MICU1: variants seen among roughly 807,000 people sequenced by gnomAD.
The protein encoded by MICU1 is mitochondrial calcium uptake 1, also known as calcium uptake protein 1, mitochondrial.
A neutral mutation model predicts 56.8 loss-of-function variants in MICU1; 45 were observed. That is an observed-to-expected ratio of 0.79 (90% CI 0.62 to 1.02). The LOEUF (loss-of-function observed/expected upper bound fraction) is 1.02, where lower values mean the gene tolerates loss of function less well. Ranked by LOEUF, MICU1 falls within the 50% of genes least tolerant of loss-of-function variation. The pLI, the probability that MICU1 is intolerant of heterozygous loss-of-function variation, is 0.00. For synonymous variants in MICU1, 186 were observed against 195.1 expected, an observed-to-expected ratio of 0.95 and a Z score of 0.39; for missense variants, 504 against 587.1, an observed-to-expected ratio of 0.86 and a Z score of 1.46.
chr10:72,437,930 C>T (rs1326942777), intron 8 of MICU1, among the ~76,000 whole-genome samples: 1 of 152,176 alleles, frequency 6.6e-6, no homozygotes, highest in Non-Finnish European at 1.5e-5. Flanking sequence ...GAGACCTGGA[C>T]TCCCACACAA....
chr10:72,454,066 C>T (rs919660520), intron 8 of MICU1, among the ~76,000 whole-genome samples: 2 of 151,598 alleles, frequency 1.3e-5, no homozygotes, highest in Non-Finnish European at 2.9e-5. Flanking sequence ...AAACTTCTGA[C>T]ATCAGGTGAT....
chr10:72,390,045 T>C lies in MICU1; in HGVS notation c.1181-14173A>G, dbSNP rs868071939. Among the ~76,000 whole-genome samples, 4 of 152,328 alleles carry C rather than the reference T, an allele frequency of 2.6e-5. No individual in the cohort carries two copies. In the South Asian group the frequency reaches 8.3e-4, roughly 32 times the overall value. ...CAGTATTTCATGGAGAAAGGTTCTTTCTTCAGATGGTTAGAACTCTTGAAA... is the reference window on the plus strand; with the variant it reads ...CAGTATTTCATGGAGAAAGGTTCTTCCTTCAGATGGTTAGAACTCTTGAAA... On this transcript the variant is annotated intron_variant, in intron 10 of 11. Coordinates refer to ENST00000361114, the MANE Select transcript of MICU1 (RefSeq NM_001195518.2).
chr10:72,617,536 G>A (rs766005723), intron 1 of MICU1, among the ~76,000 whole-genome samples: 28 of 152,124 alleles, frequency 1.8e-4, no homozygotes, highest in Non-Finnish European at 4.0e-4. Context: ...CATGGGGGCT[G>A]ACACCTGTAA....
intron 1 of MICU1, among the ~76,000 whole-genome samples, chr10:72,597,855 G>A (rs1841421847): frequency 6.6e-6 from 1 of 152,182 alleles, no homozygotes; most frequent in African/African-American, 2.4e-5. Flanking sequence ...GTGCGCCTGT[G>A]TTATGACTGC....
At chr10:72,379,053 C>T (rs554591749) in intron 10 of MICU1, among the ~76,000 whole-genome samples, 17 of 152,210 alleles carry the variant, frequency 1.1e-4, no homozygotes, top group Middle Eastern at 6.8e-3. Context: ...AAGACTATAG[C>T]GCTCTAGAGT....
chr10:72,601,345 G>A (rs1233958315), intron 1 of MICU1, among the ~76,000 whole-genome samples: 1 of 149,434 alleles, frequency 6.7e-6, no homozygotes, highest in African/African-American at 2.5e-5. Flanking sequence ...GATCACTTGA[G>A]TCCAGGAGGT....
chr10:72,416,318 C>A (rs1202436284), intron 9 of MICU1, among the ~76,000 whole-genome samples: 2 of 152,124 alleles, frequency 1.3e-5, no homozygotes. Flanking sequence ...ACAACAACAA[C>A]AAAAAGTAGA....
chr10:72,623,807 C>T (rs1479468368), intron 1 of MICU1, among the ~76,000 whole-genome samples: 2 of 152,104 alleles, frequency 1.3e-5, no homozygotes, highest in East Asian at 3.9e-4. Flanking sequence ...CCACTGCACT[C>T]CAGCCTGGGC....
At position 72,474,170 on chromosome 10, in the gene MICU1, C is replaced by T. The variant is rs368470245; in HGVS notation, c.933+930G>A. 8.6e-5 allele frequency among the ~76,000 whole-genome samples: 12 copies of T among 138,812 alleles called. No homozygotes were observed. In the South Asian group the frequency reaches 2.6e-3, roughly 30 times the overall value. The allele number at this position is 138,812 out of a possible 152,430, so 91.1% of individuals were successfully genotyped here. On this transcript the variant is annotated intron_variant, in intron 8 of 11. Coordinates refer to ENST00000361114, the MANE Select transcript of MICU1 (RefSeq NM_001195518.2). ...ACTCGAGAGGCTGAGGCAGGAGAAT[C>T]GCTTGAACCTGGGAGGTGGAGGTTG...
At chr10:72,402,953 G>A (rs1863504610) in intron 10 of MICU1, among the ~76,000 whole-genome samples, 1 of 152,226 alleles carries the variant, frequency 6.6e-6, no homozygotes. Flanking sequence ...GCTGATGTGA[G>A]AGGATTGCTT....
chr10:72,447,438 ATTACT>A (rs1865140491), intron 8 of MICU1, among the ~76,000 whole-genome samples: 5 of 152,300 alleles, frequency 3.3e-5, no homozygotes, highest in Admixed American at 1.3e-4. Flanking sequence ...AAAATTGTAT[ATTACT>A]GTTTCTATGA....
intron 1 of MICU1, among the ~76,000 whole-genome samples, chr10:72,618,443 C>T (rs576465281): frequency 2.0e-5 from 3 of 152,038 alleles, no homozygotes; most frequent in East Asian, 1.9e-4. Context: ...TACCATCTCA[C>T]AACTTATTAG....
At chr10:72,581,777 G>A (rs1433906983) in intron 1 of MICU1, among the ~76,000 whole-genome samples, 1 of 152,182 alleles carries the variant, frequency 6.6e-6, no homozygotes, top group Non-Finnish European at 1.5e-5. Flanking sequence ...CTATATTCTG[G>A]AAGATGCAGG....
chr10:72,606,970 T>C (rs975043052), intron 1 of MICU1, among the ~76,000 whole-genome samples: 1 of 152,194 alleles, frequency 6.6e-6, no homozygotes, highest in Non-Finnish European at 1.5e-5. Flanking sequence ...ATAAGGAGCC[T>C]GGCAGGTCCT....
intron 4 of MICU1, 26 bp downstream of exon 4, chr10:72,551,153 T>A (rs1306292351): frequency 6.3e-7 from 1 of 1,579,212 alleles, no homozygotes; most frequent in African/African-American, 1.4e-5. Context: ...AATATCACAG[T>A]CTTATATTTC....
chr10:72,587,042 C>T (rs1220983587), intron 1 of MICU1, among the ~76,000 whole-genome samples: 1 of 152,178 alleles, frequency 6.6e-6, no homozygotes, highest in African/African-American at 2.4e-5. Flanking sequence ...TCCTCCCCTA[C>T]ACCTTTCACC....
At chr10:72,402,673 A>G (rs1863493997) in intron 10 of MICU1, among the ~76,000 whole-genome samples, 1 of 152,234 alleles carries the variant, frequency 6.6e-6, no homozygotes, top group Non-Finnish European at 1.5e-5. Flanking sequence ...GGTCATCAAC[A>G]GTGAAATAAA....
At chr10:72,502,422 C>A (rs1418229338) in intron 6 of MICU1, among the ~76,000 whole-genome samples, 1 of 152,112 alleles carries the variant, frequency 6.6e-6, no homozygotes, top group Non-Finnish European at 1.5e-5. Flanking sequence ...TCCCAAAGTG[C>A]CGAGATTACA....
At chr10:72,557,458 G>C (rs1037096317) in intron 3 of MICU1, among the ~76,000 whole-genome samples, 1 of 152,188 alleles carries the variant, frequency 6.6e-6, no homozygotes, top group East Asian at 1.9e-4. Context: ...AGTGGATACA[G>C]TGAAAAATCA....
Sources: gnomAD v4.1 joint callset for allele counts (sites outside exome capture counted in the v4.1 genomes callset) on GRCh38, gnomAD v4.1.1 for gene constraint, MANE v1.5 for transcripts, NCBI Gene and HGNC (gene_info 2026-07-23, HGNC 2026-07-21) for gene names.